The following CADM2 variants were observed in gnomAD, a reference collection of about 807,000 sequenced individuals.
CADM2 encodes cell adhesion molecule 2, also known as immunoglobulin superfamily member 4D.
In CADM2, 12 loss-of-function variants were observed where a neutral mutation model predicts 49.8. The observed-to-expected ratio is 0.24, with a 90% CI of 0.15 to 0.39. CADM2 has a LOEUF of 0.39. Among genes scored for constraint, CADM2 ranks in the 10% least tolerant of loss-of-function variants. The pLI is 1.00. For missense variants in CADM2, 378 were observed against 492.3 expected (o/e 0.77, Z 2.20); for synonymous variants, 214 against 175.4 (o/e 1.22, Z -1.74).
intron 1 of CADM2, among the ~76,000 whole-genome samples, chr3:85,133,812 C>T (rs1393934161): frequency 1.3e-5 from 2 of 152,230 alleles, no homozygotes; most frequent in African/African-American, 2.4e-5. Flanking sequence ...GTGGATCCCT[C>T]ACCGGGGCTG....
At chr3:85,069,473 T>C (rs976190103) in intron 1 of CADM2, among the ~76,000 whole-genome samples, 2 of 152,156 alleles carry the variant, frequency 1.3e-5, no homozygotes, top group Non-Finnish European at 2.9e-5. Flanking sequence ...TGTTTTTTGG[T>C]ACAGGAGTCA....
At chr3:85,566,945 C>G (rs1450716560) in intron 1 of CADM2, among the ~76,000 whole-genome samples, 4 of 152,154 alleles carry the variant, frequency 2.6e-5, no homozygotes, top group Non-Finnish European at 4.4e-5. Flanking sequence ...TTTTTAGTGA[C>G]TCTATTTTTC....
intron 3 of CADM2, among the ~76,000 whole-genome samples, chr3:85,824,125 A>G: frequency 6.6e-6 from 1 of 152,166 alleles, no homozygotes; most frequent in African/African-American, 2.4e-5. Flanking sequence ...TGGATAGTTT[A>G]TTTTACTTGA....
At chr3:85,021,759 G>A (rs1426279424) in intron 1 of CADM2, among the ~76,000 whole-genome samples, 3 of 152,078 alleles carry the variant, frequency 2.0e-5, no homozygotes, top group Admixed American at 2.0e-4. Context: ...TGGGTGACAA[G>A]GGCGAAACTC....
At chr3:85,823,063 A>T in intron 3 of CADM2, among the ~76,000 whole-genome samples, 1 of 152,128 alleles carries the variant, frequency 6.6e-6, no homozygotes, top group Non-Finnish European at 1.5e-5. Context: ...TGGCTGTCCA[A>T]CCTACATATT....
chr3:85,508,210 T>C (rs953597681), intron 1 of CADM2, among the ~76,000 whole-genome samples: 8 of 152,190 alleles, frequency 5.3e-5, no homozygotes, highest in African/African-American at 1.7e-4. Context: ...CCTTTGGCTT[T>C]TTATGACCTA....
Position 85,027,109 on chromosome 3 carries a change from C to CTTTTTTTTTTTTT in CADM2, c.61+67452_61+67464dup. 5.0e-3 allele frequency among the ~76,000 whole-genome samples: 277 copies of CTTTTTTTTTTTTT among 55,682 alleles called. 60 individuals are homozygous for CTTTTTTTTTTTTT. The highest frequency in any genetic ancestry group is 0.019 in the African/African-American group (196 of 10,268). 36.5% of individuals were successfully genotyped at this position (55,682 alleles called of 152,430 possible). On this transcript the variant is annotated intron_variant, in intron 1 of 9. Transcript: ENST00000383699. ...TGGTTGTTGTTGCTTTTTCTTTTTC[C>CTTTTTTTTTTTTT]TTTTTTTTTTTTTTTTTTTTTTTAA...
At chr3:85,388,836 G>T (rs1341514106) in intron 1 of CADM2, among the ~76,000 whole-genome samples, 2 of 151,544 alleles carry the variant, frequency 1.3e-5, no homozygotes, top group African/African-American at 2.4e-5. Context: ...TTTTTGAAAG[G>T]TATGAAGTAA....
intron 1 of CADM2, among the ~76,000 whole-genome samples, chr3:85,122,632 A>G (rs925892918): frequency 2.0e-5 from 3 of 152,088 alleles, no homozygotes; most frequent in African/African-American, 7.2e-5. Flanking sequence ...TGACTTTCAT[A>G]TTCATATATA....
intron 1 of CADM2, among the ~76,000 whole-genome samples, chr3:85,627,581 A>G (rs1052609259): frequency 6.6e-6 from 1 of 152,052 alleles, no homozygotes; most frequent in African/African-American, 2.4e-5. Context: ...ATGACCAACT[A>G]TATAATTACA....
chr3:85,215,358 T>TA (rs955035192), intron 1 of CADM2, among the ~76,000 whole-genome samples: 2,962 of 80,874 alleles, frequency 0.037, 131 homozygotes, highest in Admixed American at 0.11. Context: ...CTCTCTTTTT[T>TA]AAAAAAAAAA....
At chr3:85,723,633 G>A (rs1388002104) in intron 1 of CADM2, among the ~76,000 whole-genome samples, 2 of 152,134 alleles carry the variant, frequency 1.3e-5, no homozygotes, top group East Asian at 3.9e-4. Flanking sequence ...TTCTATGTTG[G>A]TACCTGCCCA....
At chr3:85,529,535 T>A (rs2061247917) in intron 1 of CADM2, among the ~76,000 whole-genome samples, 1 of 152,194 alleles carries the variant, frequency 6.6e-6, no homozygotes, top group South Asian at 2.1e-4. Flanking sequence ...AGAATGATTA[T>A]ACTTAAAACC....
intron 1 of CADM2, among the ~76,000 whole-genome samples, chr3:85,579,009 T>C (rs1241968423): frequency 6.6e-6 from 1 of 152,216 alleles, no homozygotes. Context: ...GTCTTATAGC[T>C]GCTAAAAGTT....
At chr3:85,219,901 A>G (rs1175193128) in intron 1 of CADM2, among the ~76,000 whole-genome samples, 3 of 152,186 alleles carry the variant, frequency 2.0e-5, no homozygotes, top group Admixed American at 1.3e-4. Context: ...TTTGAGGCAC[A>G]TGAAATCTTA....
intron 1 of CADM2, among the ~76,000 whole-genome samples, chr3:85,099,072 A>T (rs1417315193): frequency 6.6e-6 from 1 of 152,196 alleles, no homozygotes; most frequent in Non-Finnish European, 1.5e-5. Context: ...CTGGTATAGA[A>T]CAGAGAATGT....
At chr3:85,372,364 T>C (rs866364641) in intron 1 of CADM2, among the ~76,000 whole-genome samples, 1 of 150,534 alleles carries the variant, frequency 6.6e-6, no homozygotes, top group African/African-American at 2.4e-5. Context: ...TGTGTGTGTG[T>C]ATATATATAT....
intron 1 of CADM2, among the ~76,000 whole-genome samples, chr3:85,305,106 G>C (rs1025807311): frequency 7.3e-5 from 11 of 151,292 alleles, no homozygotes; most frequent in Admixed American, 2.0e-4. Flanking sequence ...TTTTTCTCCA[G>C]GTTTGTGGTA....
intron 1 of CADM2, among the ~76,000 whole-genome samples, chr3:84,966,937 GA>G (rs911518908): frequency 5.3e-5 from 8 of 150,428 alleles, no homozygotes; most frequent in Admixed American, 1.3e-4. Context: ...TTTGCTTTCA[GA>G]AAAAAAAATC....
Sources: allele counts gnomAD v4.1 joint callset (sites outside exome capture counted in the v4.1 genomes callset), GRCh38; gene constraint gnomAD v4.1.1; transcripts MANE v1.5; gene names NCBI Gene and HGNC (gene_info 2026-07-23, HGNC 2026-07-21).